Variants in SNX3 observed in about 807,000 individuals in gnomAD.
SNX3 encodes the protein sorting nexin 3.
In SNX3, 5 loss-of-function variants were observed where a neutral mutation model predicts 17.7. The ratio of observed to expected loss-of-function variants is 0.28; its 90% CI spans 0.15 to 0.59. The LOEUF (loss-of-function observed/expected upper bound fraction) is 0.59. Among genes scored for constraint, SNX3 ranks in the 20% least tolerant of loss-of-function variants. The pLI is 0.88. For synonymous variants in SNX3, 91 were observed against 76.5 expected, an observed-to-expected ratio of 1.19 and a Z score of -0.99; for missense variants, 132 against 206.8, an observed-to-expected ratio of 0.64 and a Z score of 2.22.
chr6:108,221,764 C>G (rs927237182), intron 2 of SNX3, among the ~76,000 whole-genome samples: 1 of 151,744 alleles, frequency 6.6e-6, no homozygotes. Flanking sequence ...ACGCTGGTCT[C>G]GAACTCCTTG....
At chr6:108,233,197 T>C (rs538576287) in intron 1 of SNX3, among the ~76,000 whole-genome samples, 5 of 152,204 alleles carry the variant, frequency 3.3e-5, no homozygotes, top group Admixed American at 6.5e-5. Flanking sequence ...ACAAGACTCA[T>C]TGGAGAGCTC....
intron 1 of SNX3, among the ~76,000 whole-genome samples, chr6:108,229,216 T>A (rs190997013): frequency 3.9e-3 from 537 of 137,556 alleles, no homozygotes; most frequent in Non-Finnish European, 5.7e-3. Context: ...GGTGAGATCA[T>A]GCCACTGCAC....
chr6:108,246,610 G>A (rs142632456), intron 1 of SNX3, among the ~76,000 whole-genome samples: 3,150 of 151,782 alleles, frequency 0.021, 81 homozygotes, highest in South Asian at 0.087. Flanking sequence ...GATTATAGGC[G>A]TGAGACACTG....
At chr6:108,251,543 CTAGAATGTGAATATGATGT>C (rs1775859192) in intron 1 of SNX3, among the ~76,000 whole-genome samples, 3 of 152,126 alleles carry the variant, frequency 2.0e-5, no homozygotes. Flanking sequence ...TTCCCCTTGG[CTAGAATGTGAATATGATGT>C]TAGAAGCTGA....
intron 1 of SNX3, among the ~76,000 whole-genome samples, chr6:108,241,719 A>C (rs1394655068): frequency 2.0e-5 from 3 of 152,188 alleles, no homozygotes; most frequent in Non-Finnish European, 2.9e-5. Flanking sequence ...CCCTTTGGGG[A>C]GGGGCAGGAG....
At chr6:108,238,357 G>C (rs1775416625) in intron 1 of SNX3, among the ~76,000 whole-genome samples, 1 of 152,130 alleles carries the variant, frequency 6.6e-6, no homozygotes, top group African/African-American at 2.4e-5. Flanking sequence ...ATAATCTTTG[G>C]AGTACATTGT....
chr6:108,251,957 T>C (rs1420881594), intron 1 of SNX3, among the ~76,000 whole-genome samples: 1 of 151,588 alleles, frequency 6.6e-6, no homozygotes, highest in Non-Finnish European at 1.5e-5. Context: ...CCCAGCTACT[T>C]GGGAGGCTGA....
At chr6:108,236,436 T>A (rs1321601264) in intron 1 of SNX3, among the ~76,000 whole-genome samples, 12 of 147,498 alleles carry the variant, frequency 8.1e-5, no homozygotes, top group East Asian at 2.0e-4. Context: ...CAGGCTGGAG[T>A]GCAGTGGCGG....
chr6:108,221,510 T>A (rs536016832), intron 2 of SNX3, among the ~76,000 whole-genome samples: 1 of 146,440 alleles, frequency 6.8e-6, no homozygotes, highest in South Asian at 2.2e-4. Context: ...GAATACAGTA[T>A]TACAAGGAAT....
intron 2 of SNX3, among the ~76,000 whole-genome samples, chr6:108,220,393 A>G (rs915649069): frequency 6.6e-6 from 1 of 151,950 alleles, no homozygotes; most frequent in African/African-American, 2.4e-5. Flanking sequence ...TCCACGCTGT[A>G]TTTTTTACCA....
chr6:108,216,590 GCAAA>G (rs1562418751), intron 2 of SNX3, among the ~76,000 whole-genome samples: 1 of 152,132 alleles, frequency 6.6e-6, no homozygotes, highest in Non-Finnish European at 1.5e-5. Context: ...AAATGTGTAA[GCAAA>G]CAATCAGAAC....
At chr6:108,222,861 C>A in intron 2 of SNX3, 89 bp downstream of exon 2, 2 of 769,540 alleles carry the variant, frequency 2.6e-6, no homozygotes, top group Non-Finnish European at 4.4e-6. Context: ...TGCTTTTACC[C>A]ATTTTATTCA....
intron 1 of SNX3, among the ~76,000 whole-genome samples, chr6:108,235,475 A>C (rs1582489711): frequency 6.6e-6 from 1 of 152,340 alleles, no homozygotes; most frequent in African/African-American, 2.4e-5. Flanking sequence ...TCGGTCACCA[A>C]CTTTTAGGGT....
chr6:108,213,250 A>T (rs1774462565), intron 3 of SNX3, among the ~76,000 whole-genome samples: 1 of 152,196 alleles, frequency 6.6e-6, no homozygotes, highest in Admixed American at 6.6e-5. Context: ...GAAGTTCAAT[A>T]AAAGCCCAAA....
At chr6:108,222,236 T>A in intron 2 of SNX3, 1 of 1,304,276 alleles carries the variant, frequency 7.7e-7, no homozygotes, top group Non-Finnish European at 1.0e-6. Flanking sequence ...TTACCTACTT[T>A]CTAGTCACAA....
chr6:108,230,919 A>T (rs965187133), intron 1 of SNX3, among the ~76,000 whole-genome samples: 1 of 152,202 alleles, frequency 6.6e-6, no homozygotes, highest in Non-Finnish European at 1.5e-5. Flanking sequence ...TTATTTGCCA[A>T]ATGCTAGTTA....
At chr6:108,257,739 G>A (rs1288710350) in intron 1 of SNX3, among the ~76,000 whole-genome samples, 2 of 152,132 alleles carry the variant, frequency 1.3e-5, no homozygotes, top group Non-Finnish European at 2.9e-5. Context: ...GCCAAGGTAG[G>A]CAGATCATGA....
chr6:108,255,782 A>G (rs1776009734), intron 1 of SNX3, among the ~76,000 whole-genome samples: 1 of 152,254 alleles, frequency 6.6e-6, no homozygotes, highest in Admixed American at 6.5e-5. Context: ...TCCTAATTTA[A>G]GATTAGATGA....
chr6:108,241,821 G>A (rs764946747), intron 1 of SNX3, among the ~76,000 whole-genome samples: 1 of 152,186 alleles, frequency 6.6e-6, no homozygotes, highest in South Asian at 2.1e-4. Context: ...GAAAGTGTGA[G>A]CCATAGACAG....
Sources: allele counts gnomAD v4.1 joint callset (sites outside exome capture counted in the v4.1 genomes callset), GRCh38; gene constraint gnomAD v4.1.1; transcripts MANE v1.5; gene names NCBI Gene and HGNC (gene_info 2026-07-23, HGNC 2026-07-21).